The following ZFAND3 variants were observed in gnomAD, a reference collection of about 807,000 sequenced individuals.
ZFAND3 encodes AN1-type zinc finger protein 3.
ZFAND3 carries 10 observed loss-of-function variants against 29.6 expected under a neutral mutation model. The observed-to-expected ratio is 0.34, with a 90% CI of 0.21 to 0.57. The LOEUF is 0.57. ZFAND3 is among the 20% of genes least tolerant of loss of function. The probability of loss-of-function intolerance (pLI) is 0.86; values close to 1 mark genes in which losing one functional copy is unlikely to be tolerated. For missense variants in ZFAND3, 230 were observed against 304.5 expected (o/e 0.76, Z 1.82); for synonymous variants, 128 against 112.6 (o/e 1.14, Z -0.87).
chr6:37,866,472 T>C (rs1764592732), intron 1 of ZFAND3, among the ~76,000 whole-genome samples: 1 of 152,212 alleles, frequency 6.6e-6, no homozygotes, highest in Admixed American at 6.5e-5. Flanking sequence ...AAAAGACAGC[T>C]TTTTAATTTT....
chr6:38,131,448 C>T (rs7767077), intron 5 of ZFAND3, among the ~76,000 whole-genome samples: 4,977 of 152,256 alleles, frequency 0.033, 222 homozygotes, highest in African/African-American at 0.096. Context: ...TTAATGTACC[C>T]CCAAGTTAGA....
At chr6:38,119,914 G>A (rs778995482) in intron 5 of ZFAND3, among the ~76,000 whole-genome samples, 13 of 152,214 alleles carry the variant, frequency 8.5e-5, no homozygotes, top group Non-Finnish European at 1.6e-4. Context: ...TTTCAGTAAG[G>A]AGGAATTTTG....
At position 38,152,222 on chromosome 6, in the gene ZFAND3, C is replaced by G; in HGVS notation, c.530-13C>G. On this transcript the variant is annotated splice_polypyrimidine_tract_variant and intron_variant, in intron 5 of 5. Coordinates refer to ENST00000287218, the MANE Select transcript of ZFAND3 (RefSeq NM_021943.3). ...CTAACACACTCTTTCCTCTGCTTCT[C>G]CCGCTGCTGCAGGTTATGTGTTCTG... 2 of 1,495,470 alleles carry G rather than the reference C, an allele frequency of 1.3e-6. No individual in the cohort carries two copies. The highest frequency in any genetic ancestry group is 4.5e-5 in the Admixed American group (2 of 44,040). The allele number at this position is 1,495,470 out of a possible 1,614,324, so 92.6% of individuals were successfully genotyped here.
At chr6:37,929,689 C>T (rs570922013) in intron 1 of ZFAND3, among the ~76,000 whole-genome samples, 1 of 151,280 alleles carries the variant, frequency 6.6e-6, no homozygotes, top group South Asian at 2.1e-4. Context: ...TGCTAATATA[C>T]GCAATAAATA....
intron 1 of ZFAND3, among the ~76,000 whole-genome samples, chr6:37,879,727 C>T (rs1298017123): frequency 6.6e-6 from 1 of 152,130 alleles, no homozygotes; most frequent in African/African-American, 2.4e-5. Context: ...AGATATTATC[C>T]TGCCTGTTAT....
rs140282158 is a variant in ZFAND3, at chr6:37,854,331, T to G, written c.71+34315T>G. 4.8e-3 allele frequency among the ~76,000 whole-genome samples: 737 copies of G among 152,262 alleles called. 8 individuals carry two copies. Among genetic ancestry groups the G allele is most frequent in the African/African-American group, 0.015 (606 of 41,552 alleles). On this transcript the variant is annotated intron_variant, in intron 1 of 5. Coordinates refer to ENST00000287218, the MANE Select transcript of ZFAND3 (RefSeq NM_021943.3). ...AACAGATAAAACATTTTCATGAATG[T>G]CCCATCTTTAGGGGAGACATGAATT... is the stretch of plus-strand genomic sequence containing the variant.
Position 38,051,145 on chromosome 6 carries a change from C to T in ZFAND3, c.113-10448C>T, listed in dbSNP as rs2055208. ...AGGTGGGCAAGAGCAGTCCCACCAC[C>T]GCTCTACCCAGTCCCACCACCTAGG... On this transcript the variant is annotated intron_variant, in intron 2 of 5. Transcript: ENST00000287218. 0.017 allele frequency among the ~76,000 whole-genome samples: 2,545 copies of T among 152,140 alleles called. 251 individuals carry two copies. In the East Asian group the frequency reaches 0.28, roughly 17 times the overall value.
At chr6:38,053,304 A>ATT (rs60101357) in intron 2 of ZFAND3, among the ~76,000 whole-genome samples, 1,485 of 145,122 alleles carry the variant, frequency 0.01, 6 homozygotes, top group Middle Eastern at 0.018. Flanking sequence ...TTTTCTTACA[A>ATT]TTTTTTTTTT....
chr6:37,996,813 T>C (rs1762857062), intron 2 of ZFAND3, among the ~76,000 whole-genome samples: 2 of 152,202 alleles, frequency 1.3e-5, no homozygotes, highest in Non-Finnish European at 2.9e-5. Flanking sequence ...ACATTTCCCA[T>C]GTTTCTATTT....
At chr6:37,945,384 T>C (rs1030422348) in intron 2 of ZFAND3, among the ~76,000 whole-genome samples, 1 of 152,174 alleles carries the variant, frequency 6.6e-6, no homozygotes, top group African/African-American at 2.4e-5. Flanking sequence ...AAATTTTGCA[T>C]TGGAAGATCA....
intron 1 of ZFAND3, among the ~76,000 whole-genome samples, chr6:37,900,090 A>G (rs1214224107): frequency 6.6e-6 from 1 of 152,144 alleles, no homozygotes; most frequent in Non-Finnish European, 1.5e-5. Flanking sequence ...TAGATTCAGC[A>G]TACTTTAGTC....
intron 2 of ZFAND3, among the ~76,000 whole-genome samples, chr6:37,977,292 CTATTTATTTATG>C (rs1762496889): frequency 6.6e-6 from 1 of 152,020 alleles, no homozygotes; most frequent in South Asian, 2.1e-4. Context: ...CTCTTCAGTA[CTATTTATTTATG>C]TATTTATTTA....
At chr6:37,832,353 G>A (rs1243399245) in intron 1 of ZFAND3, among the ~76,000 whole-genome samples, 3 of 152,122 alleles carry the variant, frequency 2.0e-5, no homozygotes, top group African/African-American at 4.8e-5. Context: ...CACTTGCGGT[G>A]GGTGTAGAAG....
chr6:37,914,675 T>TC (rs1304989484), intron 1 of ZFAND3, among the ~76,000 whole-genome samples: 1 of 143,034 alleles, frequency 7.0e-6, no homozygotes. Flanking sequence ...TTTTTTTCTT[T>TC]TTTTTTTAGT....
Position 38,058,105 on chromosome 6 carries a change from T to C in ZFAND3, c.113-3488T>C, listed in dbSNP as rs543628365. 7.7e-4 allele frequency among the ~76,000 whole-genome samples: 118 copies of C among 152,326 alleles called. No individual in the cohort carries two copies. The Middle Eastern group carries it at 0.01, about 13-fold the overall frequency. Reference sequence around the variant, plus strand: ...GAGCATCAAAGTAGCATGGCAAGCATGGGCTGGAGAGTGTGTGGGTGGGAC... The same window carrying C: ...GAGCATCAAAGTAGCATGGCAAGCACGGGCTGGAGAGTGTGTGGGTGGGAC... On this transcript the variant is annotated intron_variant, in intron 2 of 5. Coordinates refer to ENST00000287218, the MANE Select transcript of ZFAND3 (RefSeq NM_021943.3).
At chr6:37,990,855 G>C (rs758938263) in intron 2 of ZFAND3, among the ~76,000 whole-genome samples, 9 of 152,074 alleles carry the variant, frequency 5.9e-5, no homozygotes, top group Non-Finnish European at 1.2e-4. Flanking sequence ...TTTCCTCTTG[G>C]CCACCTCCAT....
At chr6:37,980,027 C>T (rs1307642384) in intron 2 of ZFAND3, among the ~76,000 whole-genome samples, 2 of 152,176 alleles carry the variant, frequency 1.3e-5, no homozygotes, top group Non-Finnish European at 2.9e-5. Flanking sequence ...TACATGCCTA[C>T]CAAGCCAGGG....
At chr6:38,120,320 CTTTTTTTTTTTTTTTTT>C (rs70981523) in intron 5 of ZFAND3, among the ~76,000 whole-genome samples, 119 of 60,742 alleles carry the variant, frequency 2.0e-3, no homozygotes, top group South Asian at 4.6e-3. Flanking sequence ...GCTTGGCTTC[CTTTTTTTTTTTTTTTTT>C]TTTTTTTTTT....
In ZFAND3 at chr6:37,963,414, A is replaced by G. The variant is rs577147923; in HGVS notation, c.112+33415A>G. ...AAAGAATAAAAACTTCAGATAAATA[A>G]CAATGCATCTTAACTAAAAAAGCAA... On this transcript the variant is annotated intron_variant, in intron 2 of 5. Coordinates refer to ENST00000287218, the MANE Select transcript of ZFAND3 (RefSeq NM_021943.3). 1.5e-4 allele frequency among the ~76,000 whole-genome samples: 23 copies of G among 152,344 alleles called. No individual in the cohort carries two copies. In the South Asian group the frequency reaches 4.3e-3, roughly 29 times the overall value.
Sources: allele counts gnomAD v4.1 joint callset (sites outside exome capture counted in the v4.1 genomes callset), GRCh38; gene constraint gnomAD v4.1.1; transcripts MANE v1.5; gene names NCBI Gene and HGNC (gene_info 2026-07-23, HGNC 2026-07-21).